Variants in CDKAL1 observed in about 807,000 individuals in gnomAD.
CDKAL1 encodes the protein threonylcarbamoyladenosine tRNA methylthiotransferase.
A neutral mutation model predicts 68.2 loss-of-function variants in CDKAL1; 32 were observed. The ratio of observed to expected loss-of-function variants is 0.47; its 90% CI spans 0.35 to 0.63. The LOEUF (loss-of-function observed/expected upper bound fraction) is 0.63, where lower values mean the gene tolerates loss of function less well. Among genes scored for constraint, CDKAL1 ranks in the 30% least tolerant of loss-of-function variants. The probability of loss-of-function intolerance (pLI) is 0.00; values close to 1 mark genes in which losing one functional copy is unlikely to be tolerated. For synonymous variants in CDKAL1, 234 were observed against 244.3 expected, an observed-to-expected ratio of 0.96 and a Z score of 0.39; for missense variants, 606 against 696.7, an observed-to-expected ratio of 0.87 and a Z score of 1.47.
chr6:20,562,603 A>C (rs893462876), intron 4 of CDKAL1, among the ~76,000 whole-genome samples: 3 of 151,894 alleles, frequency 2.0e-5, no homozygotes, highest in African/African-American at 7.3e-5. Flanking sequence ...TTAATCGGCT[A>C]TGGTGGTGGG....
chr6:21,230,724 A>C (rs755990726), intron 15 of CDKAL1, 124 bp from the exon 16 acceptor site: 24 of 696,376 alleles, frequency 3.4e-5, no homozygotes, highest in Non-Finnish European at 4.9e-5. Flanking sequence ...GGGTGTTCAA[A>C]CGTGTCTCTG....
At chr6:20,959,583 GTTTACATTACCT>G (rs1764954268) in intron 10 of CDKAL1, among the ~76,000 whole-genome samples, 1 of 147,872 alleles carries the variant, frequency 6.8e-6, no homozygotes, top group Non-Finnish European at 1.5e-5. Flanking sequence ...CTCCTGAAAT[GTTTACATTACCT>G]TTTTCTCATG....
intron 13 of CDKAL1, among the ~76,000 whole-genome samples, chr6:21,197,659 G>C (rs1042574654): frequency 6.6e-6 from 1 of 152,108 alleles, no homozygotes; most frequent in East Asian, 1.9e-4. Flanking sequence ...GCTTGTTCTG[G>C]CTTGTTTTGC....
At position 20,548,644 on chromosome 6, in the gene CDKAL1, T is replaced by C; in HGVS notation, c.225T>C (p.His75=). Residue 75 remains histidine, a synonymous_variant, in exon 4 of 16, where the codon CAT becomes CAC. Transcript: ENST00000274695. ...KIWIRTWGCS[H]NNSDGEYMAG... ...GGATACGAACATGGGGTTGTTCTCA[T>C]AATAATTCAGATGGAGAATATATGG... The C allele has an allele frequency of 6.2e-7, 1 of 1,603,086 alleles. No individual in the cohort carries two copies. The highest frequency in any genetic ancestry group is 8.5e-7 in the Non-Finnish European group (1 of 1,170,938).
intron 12 of CDKAL1, among the ~76,000 whole-genome samples, chr6:21,076,413 CAT>C (rs1772078405): frequency 1.3e-5 from 2 of 152,182 alleles, no homozygotes; most frequent in Admixed American, 6.5e-5. Flanking sequence ...GTCCGAGAAA[CAT>C]AGCATATAAA....
At chr6:21,106,248 G>A (rs900955881) in intron 12 of CDKAL1, among the ~76,000 whole-genome samples, 3 of 152,202 alleles carry the variant, frequency 2.0e-5, no homozygotes, top group African/African-American at 7.2e-5. Flanking sequence ...CAAAAACTTT[G>A]AAAAACTCCC....
intron 11 of CDKAL1, among the ~76,000 whole-genome samples, chr6:21,040,535 ACTT>A (rs1769861611): frequency 6.6e-6 from 1 of 152,174 alleles, no homozygotes; most frequent in South Asian, 2.1e-4. Flanking sequence ...TACAATTAAT[ACTT>A]AAGTTGTGTA....
chr6:20,710,462 T>C (rs189753064), intron 5 of CDKAL1, among the ~76,000 whole-genome samples: 165 of 152,272 alleles, frequency 1.1e-3, no homozygotes, highest in African/African-American at 3.9e-3. Flanking sequence ...ACCATCTAGA[T>C]TTGTGTACAT....
At chr6:20,739,765 G>C in intron 6 of CDKAL1, 150 bp downstream of exon 6, 1 of 496,324 alleles carries the variant, frequency 2.0e-6, no homozygotes, top group South Asian at 3.3e-5. Context: ...CCCTGAAACT[G>C]TCATTTCTGT....
intron 13 of CDKAL1, among the ~76,000 whole-genome samples, chr6:21,141,351 G>A (rs1182099223): frequency 6.6e-6 from 1 of 152,166 alleles, no homozygotes; most frequent in Non-Finnish European, 1.5e-5. Flanking sequence ...TACAAACCCA[G>A]CCTGGAATAT....
At chr6:20,830,704 C>A (rs1777681536) in intron 8 of CDKAL1, among the ~76,000 whole-genome samples, 1 of 152,072 alleles carries the variant, frequency 6.6e-6, no homozygotes. Flanking sequence ...CTCCTTCTCT[C>A]CTCTCCTATT....
At chr6:20,774,253 T>C (rs1002700021) in intron 7 of CDKAL1, among the ~76,000 whole-genome samples, 20 of 152,150 alleles carry the variant, frequency 1.3e-4, no homozygotes, top group African/African-American at 4.6e-4. Flanking sequence ...GCCAGATCAT[T>C]GGTATTTCTG....
intron 12 of CDKAL1, among the ~76,000 whole-genome samples, chr6:21,100,552 A>G (rs929860393): frequency 2.6e-5 from 4 of 152,236 alleles, no homozygotes; most frequent in African/African-American, 9.6e-5. Flanking sequence ...TATATGGAAT[A>G]GAGCCACAGC....
chr6:20,951,127 A>T (rs1764507787), intron 9 of CDKAL1, among the ~76,000 whole-genome samples: 2 of 152,178 alleles, frequency 1.3e-5, no homozygotes. Flanking sequence ...AGATCCCCAT[A>T]ATCATTATTT....
chr6:20,923,845 C>G (rs1237543732), intron 9 of CDKAL1, among the ~76,000 whole-genome samples: 1 of 152,144 alleles, frequency 6.6e-6, no homozygotes. Context: ...AACCCTGCCT[C>G]TACAAAAATA....
intron 9 of CDKAL1, among the ~76,000 whole-genome samples, chr6:20,858,985 TAAAC>T (rs931428235): frequency 1.3e-5 from 2 of 152,138 alleles, no homozygotes; most frequent in Admixed American, 6.5e-5. Context: ...TTAGACTACA[TAAAC>T]AAAATAAAAT....
At chr6:20,849,037 G>A (rs938216406) in intron 9 of CDKAL1, among the ~76,000 whole-genome samples, 2 of 151,666 alleles carry the variant, frequency 1.3e-5, no homozygotes, top group African/African-American at 4.8e-5. Context: ...AAGCCACCTT[G>A]GCCTCCCAAA....
At chr6:20,829,860 T>A (rs1287717475) in intron 8 of CDKAL1, among the ~76,000 whole-genome samples, 1 of 152,232 alleles carries the variant, frequency 6.6e-6, no homozygotes, top group Non-Finnish European at 1.5e-5. Flanking sequence ...ACAGTAGGTT[T>A]GCTGTTATTT....
intron 11 of CDKAL1, among the ~76,000 whole-genome samples, chr6:21,011,996 G>T (rs995894747): frequency 6.6e-6 from 1 of 152,186 alleles, no homozygotes; most frequent in African/African-American, 2.4e-5. Context: ...GCCAGATGGT[G>T]GAACTCTGTA....
Sources: gnomAD v4.1 joint callset for allele counts (sites outside exome capture counted in the v4.1 genomes callset) on GRCh38, gnomAD v4.1.1 for gene constraint, MANE v1.5 for transcripts, NCBI Gene and HGNC (gene_info 2026-07-23, HGNC 2026-07-21) for gene names.